Variants in DENND1B observed in about 807,000 individuals in gnomAD.
DENND1B encodes DENN domain-containing protein 1B.
In DENND1B, 59 loss-of-function variants were observed where a neutral mutation model predicts 90.1. That is an observed-to-expected ratio of 0.65 (90% CI 0.53 to 0.81). The LOEUF (loss-of-function observed/expected upper bound fraction) is 0.81. Ranked by LOEUF, DENND1B falls within the 40% of genes least tolerant of loss-of-function variation. The pLI, the probability that DENND1B is intolerant of heterozygous loss-of-function variation, is 0.00. For missense variants in DENND1B, 862 were observed against 912.6 expected, an observed-to-expected ratio of 0.94 and a Z score of 0.71; for synonymous variants, 337 against 324.6, an observed-to-expected ratio of 1.04 and a Z score of -0.41.
chr1:197,564,743 T>C (rs1390837190), intron 15 of DENND1B, among the ~76,000 whole-genome samples: 1 of 151,984 alleles, frequency 6.6e-6, no homozygotes, highest in East Asian at 1.9e-4. Flanking sequence ...TTTCTGGGCT[T>C]TAATCCAGGC....
intron 15 of DENND1B, among the ~76,000 whole-genome samples, chr1:197,553,723 T>C (rs1296420535): frequency 1.3e-5 from 2 of 152,164 alleles, no homozygotes; most frequent in Non-Finnish European, 2.9e-5. Context: ...CCATTTACAA[T>C]AAAATCAATA....
At chr1:197,765,554 G>T (rs1655601735) in intron 2 of DENND1B, among the ~76,000 whole-genome samples, 1 of 152,172 alleles carries the variant, frequency 6.6e-6, no homozygotes, top group African/African-American at 2.4e-5. Context: ...ATCTGAAAAT[G>T]AGAGAATATT....
At chr1:197,695,225 C>T (rs1449517368) in intron 3 of DENND1B, among the ~76,000 whole-genome samples, 3 of 150,950 alleles carry the variant, frequency 2.0e-5, no homozygotes, top group Non-Finnish European at 4.5e-5. Flanking sequence ...TTTAGATTTA[C>T]TTTTATACAT....
chr1:197,644,549 C>T (rs1558347172), intron 9 of DENND1B, among the ~76,000 whole-genome samples: 1 of 152,152 alleles, frequency 6.6e-6, no homozygotes, highest in Non-Finnish European at 1.5e-5. Context: ...CATGGTCAGT[C>T]AGCCTTAAAG....
intron 9 of DENND1B, among the ~76,000 whole-genome samples, chr1:197,643,624 G>A (rs924192507): frequency 6.6e-6 from 1 of 152,116 alleles, no homozygotes; most frequent in Non-Finnish European, 1.5e-5. Context: ...CAAAGGATGA[G>A]GTGAATTTAT....
At chr1:197,549,965 CAAT>C (rs1350424957) in intron 16 of DENND1B, among the ~76,000 whole-genome samples, 1 of 151,958 alleles carries the variant, frequency 6.6e-6, no homozygotes, top group Non-Finnish European at 1.5e-5. Context: ...ATCAGAGCCA[CAAT>C]AATGATAAAC....
chr1:197,714,677 G>C (rs1573098), intron 3 of DENND1B, among the ~76,000 whole-genome samples: 127,817 of 152,134 alleles, frequency 0.84, 53,983 homozygotes, highest in African/African-American at 0.92. Context: ...TACACAGAAA[G>C]AATAAGAGTA....
rs149291607 is a variant in DENND1B, at chr1:197,611,701, C to T, written c.819+230G>A. Among the ~76,000 whole-genome samples the T allele has an allele frequency of 5.3e-5, 8 of 150,632 alleles. No individual in the cohort carries two copies. In the East Asian group the frequency reaches 1.4e-3, roughly 26 times the overall value. On this transcript the variant is annotated intron_variant, in intron 12 of 22. Coordinates refer to ENST00000620048, the MANE Select transcript of DENND1B (RefSeq NM_001195215.2). ...TTAAAACTTACCATATGATTTCTAC[C>T]AAACATAACCTATTTTTATGGATTT...
At chr1:197,674,888 A>C (rs1426603730) in intron 3 of DENND1B, among the ~76,000 whole-genome samples, 2 of 152,150 alleles carry the variant, frequency 1.3e-5, no homozygotes, top group South Asian at 2.1e-4. Context: ...AATGATTTTG[A>C]AACCTTCAGT....
At chr1:197,655,943 T>C (rs79215787) in intron 6 of DENND1B, among the ~76,000 whole-genome samples, 1,691 of 152,118 alleles carry the variant, frequency 0.011, 31 homozygotes, top group African/African-American at 0.038. Context: ...TCAAAATAAT[T>C]AGATAGTACA....
In DENND1B at chr1:197,512,957, G is replaced by A. The variant is rs1277724152; in HGVS notation, c.1516-4C>T. On this transcript the variant is annotated splice_region_variant and splice_polypyrimidine_tract_variant and intron_variant, in intron 20 of 22. Coordinates refer to ENST00000620048, the MANE Select transcript of DENND1B (RefSeq NM_001195215.2). The stretch of plus-strand genomic sequence containing the variant: ...TAAGAGGCCTTTTTAAGCGTGCCTG[G>A]AGAGAGAGATTGACAATAAATTGGC... The A allele has an allele frequency of 6.2e-7, 1 of 1,603,538 alleles. No individual in the cohort carries two copies. Among genetic ancestry groups the A allele is most frequent in the Admixed American group, 1.7e-5 (1 of 58,456 alleles).
chr1:197,664,985 T>C (rs1172567153), intron 5 of DENND1B, among the ~76,000 whole-genome samples: 1 of 152,134 alleles, frequency 6.6e-6, no homozygotes, highest in African/African-American at 2.4e-5. Flanking sequence ...AAGTTATTTC[T>C]TGCATTTTTG....
chr1:197,737,497 CAT>C (rs1447557338), intron 2 of DENND1B, among the ~76,000 whole-genome samples: 1 of 152,052 alleles, frequency 6.6e-6, no homozygotes, highest in African/African-American at 2.4e-5. Flanking sequence ...TTAAACATTC[CAT>C]CTTGGAGGTA....
At chr1:197,576,558 A>C (rs1372030199) in intron 15 of DENND1B, among the ~76,000 whole-genome samples, 1 of 152,216 alleles carries the variant, frequency 6.6e-6, no homozygotes, top group African/African-American at 2.4e-5. Context: ...CCAGTATTTA[A>C]AATGTTTTCA....
intron 12 of DENND1B, among the ~76,000 whole-genome samples, chr1:197,607,919 A>G (rs1053266075): frequency 6.6e-6 from 1 of 150,684 alleles, no homozygotes; most frequent in African/African-American, 2.4e-5. Flanking sequence ...ACTTAAACTA[A>G]TAGGTATACT....
At chr1:197,735,927 C>A (rs529528705) in intron 2 of DENND1B, 16 of 1,502,696 alleles carry the variant, frequency 1.1e-5, no homozygotes, top group Admixed American at 1.0e-4. Context: ...GAATCAGAAA[C>A]CTGAAGTTAG....
intron 2 of DENND1B, among the ~76,000 whole-genome samples, chr1:197,760,055 G>A (rs557896307): frequency 2.0e-5 from 3 of 152,098 alleles, no homozygotes; most frequent in African/African-American, 4.8e-5. Flanking sequence ...TAAATTATAC[G>A]TTTTTGAAGA....
At chr1:197,650,882 G>A (rs1653077952) in intron 7 of DENND1B, among the ~76,000 whole-genome samples, 1 of 152,136 alleles carries the variant, frequency 6.6e-6, no homozygotes, top group Non-Finnish European at 1.5e-5. Context: ...GTGGGAGGGA[G>A]GGTAAGGGAT....
intron 20 of DENND1B, among the ~76,000 whole-genome samples, chr1:197,528,874 T>C (rs923000437): frequency 2.2e-5 from 3 of 137,816 alleles, no homozygotes; most frequent in Non-Finnish European, 4.9e-5. Flanking sequence ...AAAAAAAAAA[T>C]TCTTATTTGT....
Sources: gnomAD v4.1 joint callset for allele counts (sites outside exome capture counted in the v4.1 genomes callset) on GRCh38, gnomAD v4.1.1 for gene constraint, MANE v1.5 for transcripts, NCBI Gene and HGNC (gene_info 2026-07-23, HGNC 2026-07-21) for gene names.